Variants in GTF2A1 observed in about 807,000 individuals in gnomAD.
The protein encoded by GTF2A1 is general transcription factor IIA subunit 1.
In GTF2A1, 12 loss-of-function variants were observed where a neutral mutation model predicts 54.1. The observed-to-expected ratio is 0.22, with a 90% CI of 0.14 to 0.36. The LOEUF is 0.36. Among genes scored for constraint, GTF2A1 ranks in the 10% least tolerant of loss-of-function variants. The pLI is 1.00. For missense variants in GTF2A1, 335 were observed against 442.2 expected, an observed-to-expected ratio of 0.76 and a Z score of 2.17; for synonymous variants, 145 against 152.0, an observed-to-expected ratio of 0.95 and a Z score of 0.34.
At chr14:81,215,555 A>C (rs1893470355) in intron 2 of GTF2A1, among the ~76,000 whole-genome samples, 1 of 152,188 alleles carries the variant, frequency 6.6e-6, no homozygotes, top group Admixed American at 6.5e-5. Context: ...ACTGCTAATA[A>C]AAAAAATCTA....
In GTF2A1 at chr14:81,179,689, T is replaced by C. The variant is rs976462097; in HGVS notation, c.*534A>G. The C allele has an allele frequency of 6.6e-6, 1 of 152,188 alleles. No homozygotes were observed. The highest frequency in any genetic ancestry group is 2.4e-5 in the African/African-American group (1 of 41,458). 9.4% of individuals were successfully genotyped at this position (152,188 alleles called of 1,614,324 possible). On this transcript the variant is annotated 3_prime_UTR_variant, in exon 9 of 9. Coordinates refer to ENST00000553612, the MANE Select transcript of GTF2A1 (RefSeq NM_015859.4). ...AGAGGTATATATCACTGAGGGAGAATAGCAAGTAAAAATATTTAAGACCTA... is the reference window on the plus strand; with the variant it reads ...AGAGGTATATATCACTGAGGGAGAACAGCAAGTAAAAATATTTAAGACCTA...
intron 8 of GTF2A1, among the ~76,000 whole-genome samples, chr14:81,185,079 A>T (rs1425703010): frequency 1.3e-5 from 2 of 152,088 alleles, no homozygotes; most frequent in African/African-American, 4.8e-5. Context: ...TTTCAGTAAA[A>T]ACTTATGTTT....
chr14:81,212,691 T>C (rs1309574279), intron 2 of GTF2A1, among the ~76,000 whole-genome samples: 3 of 152,178 alleles, frequency 2.0e-5, no homozygotes, highest in Admixed American at 6.5e-5. Context: ...AAATATGAAA[T>C]TAAAGTTCGT....
chr14:81,214,364 G>A (rs999283178), intron 2 of GTF2A1, among the ~76,000 whole-genome samples: 21 of 152,050 alleles, frequency 1.4e-4, no homozygotes, highest in African/African-American at 3.9e-4. Flanking sequence ...ACTGAGACCC[G>A]GCCGGGAGCG....
At chr14:81,200,885 C>CAAAAAAAAAAA (rs36025974) in intron 4 of GTF2A1, among the ~76,000 whole-genome samples, 4 of 111,096 alleles carry the variant, frequency 3.6e-5, no homozygotes, top group Non-Finnish European at 7.0e-5. Context: ...ATGTTTTATC[C>CAAAAAAAAAAA]AAAAAAAAAA....
chr14:81,193,086 T>TA (rs1261241457), intron 6 of GTF2A1, among the ~76,000 whole-genome samples: 2 of 152,134 alleles, frequency 1.3e-5, no homozygotes, highest in Non-Finnish European at 2.9e-5. Context: ...ATACTATGTA[T>TA]ATGCCAGCTA....
chr14:81,204,511 T>G (rs1054024157), intron 2 of GTF2A1, among the ~76,000 whole-genome samples: 1 of 152,194 alleles, frequency 6.6e-6, no homozygotes, highest in Non-Finnish European at 1.5e-5. Context: ...ATACAAAATT[T>G]TCTGCAACAT....
chr14:81,217,715 C>T (rs1893516825), intron 1 of GTF2A1, among the ~76,000 whole-genome samples: 1 of 152,064 alleles, frequency 6.6e-6, no homozygotes, highest in Non-Finnish European at 1.5e-5. Flanking sequence ...TGGCTTGAGC[C>T]CAGGAGGGAG....
chr14:81,209,866 T>C (rs762587801), intron 2 of GTF2A1: 88 of 1,222,662 alleles, frequency 7.2e-5, no homozygotes, highest in Non-Finnish European at 8.5e-5. Context: ...TATTTTGTAC[T>C]TACCACACAA....
chr14:81,211,183 G>C (rs958520669), intron 2 of GTF2A1, among the ~76,000 whole-genome samples: 2 of 152,164 alleles, frequency 1.3e-5, no homozygotes, highest in African/African-American at 4.8e-5. Flanking sequence ...CAGGTGGTCT[G>C]ACTTCAATGT....
intron 7 of GTF2A1, among the ~76,000 whole-genome samples, chr14:81,192,112 G>A (rs1892888100): frequency 6.6e-6 from 1 of 152,098 alleles, no homozygotes; most frequent in South Asian, 2.1e-4. Flanking sequence ...GTGACATTTG[G>A]TTCTTGAGTT....
At chr14:81,185,411 T>C in intron 8 of GTF2A1, 120 bp downstream of exon 8, 1 of 592,828 alleles carries the variant, frequency 1.7e-6, no homozygotes, top group Non-Finnish European at 3.0e-6. Flanking sequence ...TTCGTACTAT[T>C]CATAATGAAT....
At chr14:81,206,970 T>C (rs1893245517) in intron 2 of GTF2A1, among the ~76,000 whole-genome samples, 1 of 152,206 alleles carries the variant, frequency 6.6e-6, no homozygotes, top group Non-Finnish European at 1.5e-5. Context: ...TTATTCAAAA[T>C]GTTAAATACT....
chr14:81,206,038 C>T (rs1893222300), intron 2 of GTF2A1, among the ~76,000 whole-genome samples: 3 of 152,186 alleles, frequency 2.0e-5, no homozygotes, highest in Non-Finnish European at 4.4e-5. Context: ...GAAAAAAAGT[C>T]TTATTAATGT....
intron 2 of GTF2A1, among the ~76,000 whole-genome samples, chr14:81,208,193 C>T (rs1257361496): frequency 6.6e-6 from 1 of 152,120 alleles, no homozygotes; most frequent in Non-Finnish European, 1.5e-5. Flanking sequence ...GGGGCCAGGC[C>T]CAGGGTCCCC....
chr14:81,220,649 A>G lies in GTF2A1; in HGVS notation c.-131T>C. On this transcript the variant is annotated 5_prime_UTR_variant, in exon 1 of 9. Transcript: ENST00000553612. ...CAAGATTGGGGAAAAAATTTTAAAC[A>G]AAATCAATCCTGAAGGAGTAGGGGA... is the stretch of plus-strand genomic sequence containing the variant. 1.3e-5 allele frequency: 8 copies of G among 627,566 alleles called. No homozygotes were observed. The South Asian group carries it at 1.6e-4, about 13-fold the overall frequency. 38.9% of individuals were successfully genotyped at this position (627,566 alleles called of 1,614,324 possible). A position where few individuals can be genotyped will look rare whatever the true frequency, so the allele number is the denominator to read the frequency against.
At chr14:81,202,145 C>T (rs1893126527) in intron 3 of GTF2A1, among the ~76,000 whole-genome samples, 1 of 151,942 alleles carries the variant, frequency 6.6e-6, no homozygotes, top group Admixed American at 6.6e-5. Flanking sequence ...AATTAAGTGG[C>T]AATTCCTAAG....
chr14:81,209,806 G>T, intron 2 of GTF2A1: 1 of 563,090 alleles, frequency 1.8e-6, no homozygotes, highest in Non-Finnish European at 2.9e-6. Context: ...AGTCTCAACA[G>T]CCTCAAAGAA....
chr14:81,191,026 G>A (rs1892864219), intron 7 of GTF2A1, among the ~76,000 whole-genome samples: 1 of 152,108 alleles, frequency 6.6e-6, no homozygotes, highest in Non-Finnish European at 1.5e-5. Flanking sequence ...TTTAGGGGGA[G>A]GAAACGGGCA....
Sources: allele counts gnomAD v4.1 joint callset (sites outside exome capture counted in the v4.1 genomes callset), GRCh38; gene constraint gnomAD v4.1.1; transcripts MANE v1.5; gene names NCBI Gene and HGNC (gene_info 2026-07-23, HGNC 2026-07-21).